The following SOX5 variants were observed in gnomAD, a reference collection of about 807,000 sequenced individuals.
The protein encoded by SOX5 is transcription factor SOX-5.
SOX5 carries 9 observed loss-of-function variants against 92.0 expected under a neutral mutation model. The ratio of observed to expected loss-of-function variants is 0.10; its 90% CI spans 0.06 to 0.17. The LOEUF is 0.17. SOX5 is among the 10% of genes least tolerant of loss of function. The pLI, the probability that SOX5 is intolerant of heterozygous loss-of-function variation, is 1.00. For synonymous variants in SOX5, 344 were observed against 336.3 expected, an observed-to-expected ratio of 1.02 and a Z score of -0.25; for missense variants, 642 against 944.5, an observed-to-expected ratio of 0.68 and a Z score of 4.20.
At chr12:23,685,638 CA>C (rs35590567) in intron 6 of SOX5, among the ~76,000 whole-genome samples, 17 of 148,916 alleles carry the variant, frequency 1.1e-4, no homozygotes, top group Middle Eastern at 3.4e-3. Flanking sequence ...TCCCCCCCCC[CA>C]AAAATCTAAT....
chr12:24,549,570 G>A (rs1952953344), intron 1 of SOX5, among the ~76,000 whole-genome samples: 1 of 152,196 alleles, frequency 6.6e-6, no homozygotes, highest in African/African-American at 2.4e-5. Flanking sequence ...TGGCTTTTGT[G>A]CACTGGCATG....
chr12:24,201,692 T>A (rs1163323745), intron 4 of SOX5, among the ~76,000 whole-genome samples: 1 of 152,076 alleles, frequency 6.6e-6, no homozygotes, highest in African/African-American at 2.4e-5. Context: ...TGTCACAGAG[T>A]ATTAGTGAGT....
chr12:24,505,985 C>T (rs933493426), intron 1 of SOX5, among the ~76,000 whole-genome samples: 2 of 152,026 alleles, frequency 1.3e-5, no homozygotes, highest in African/African-American at 4.8e-5. Context: ...ATTTTTTAGT[C>T]TAATGTAACT....
chr12:24,432,555 C>CT (rs1938564751), intron 1 of SOX5, among the ~76,000 whole-genome samples: 1 of 152,110 alleles, frequency 6.6e-6, no homozygotes, highest in Non-Finnish European at 1.5e-5. Flanking sequence ...TGGCTCACAC[C>CT]TGTAATCCCA....
intron 4 of SOX5, among the ~76,000 whole-genome samples, chr12:24,155,169 T>C (rs1010419762): frequency 4.6e-5 from 7 of 152,088 alleles, no homozygotes; most frequent in African/African-American, 7.2e-5. Flanking sequence ...ATGAACACTA[T>C]TGATACATAT....
At chr12:24,419,745 A>T (rs1024724322) in intron 1 of SOX5, among the ~76,000 whole-genome samples, 3 of 152,240 alleles carry the variant, frequency 2.0e-5, no homozygotes, top group Non-Finnish European at 4.4e-5. Flanking sequence ...CATAAAGGTA[A>T]TATCTAGAAT....
chr12:24,426,062 C>G (rs1966709997), intron 1 of SOX5, among the ~76,000 whole-genome samples: 1 of 152,134 alleles, frequency 6.6e-6, no homozygotes. Context: ...AGACAAGGCA[C>G]AGTGGCTCGT....
chr12:23,598,485 G>A (rs978858847), intron 9 of SOX5, among the ~76,000 whole-genome samples: 6 of 134,276 alleles, frequency 4.5e-5, no homozygotes, highest in South Asian at 5.1e-4. Context: ...TGCAAGCTCC[G>A]CCTCCTGGGT....
At position 24,095,138 on chromosome 12, in the gene SOX5, G is replaced by GAGAGAGAGAGAGAC. The variant is rs1945215884; in HGVS notation, c.-2+118204_-2+118205insGTCTCTCTCTCTCT. Reference sequence around the variant, plus strand: ...ACACACACACACACACAGAGAGAGAGAGAGAGAGAGAGAGAGAGACAGAGA... The same window carrying GAGAGAGAGAGAGAC: ...ACACACACACACACACAGAGAGAGAGAGAGAGAGAGAGACAGAGAGAGAGAGAGAGAGACAGAGA... On this transcript the variant is annotated intron_variant, in intron 4 of 4. Coordinates refer to the SOX5 transcript ENST00000446891. Among the ~76,000 whole-genome samples, 15 of 126,638 alleles carry GAGAGAGAGAGAGAC rather than the reference G, an allele frequency of 1.2e-4. No individual in the cohort carries two copies. The South Asian group carries it at 3.5e-3, about 29-fold the overall frequency. The allele number at this position is 126,638 out of a possible 152,430, so 83.1% of individuals were successfully genotyped here. A position where few individuals can be genotyped will look rare whatever the true frequency, so the allele number is the denominator to read the frequency against.
rs534205648 is a variant in SOX5, at chr12:24,151,682, C to T, written c.-2+61661G>A. On this transcript the variant is annotated intron_variant, in intron 4 of 4. Transcript: ENST00000446891. ...GGCAACTCCTTTTTCCTGAACTACT[C>T]AAACAGCAAAATGAACACAATATAC... 2.0e-5 allele frequency among the ~76,000 whole-genome samples: 3 copies of T among 152,078 alleles called. No homozygotes were observed. In the South Asian group the frequency reaches 6.2e-4, roughly 32 times the overall value.
At chr12:24,297,835 T>A (rs531998879) in intron 2 of SOX5, among the ~76,000 whole-genome samples, 1 of 152,312 alleles carries the variant, frequency 6.6e-6, no homozygotes, top group East Asian at 1.9e-4. Flanking sequence ...AGTAACGATG[T>A]TTATCCTGAG....
rs376500119 is a variant in SOX5 at position 23,738,608 on chromosome 12, T to C, written c.741+2259A>G. The C allele has an allele frequency of 1.1e-4, 17 of 152,220 alleles. No individual in the cohort carries two copies. The East Asian group carries it at 3.1e-3, about 28-fold the overall frequency. The allele number at this position is 152,220 out of a possible 1,614,324, so 9.4% of individuals were successfully genotyped here. A position where few individuals can be genotyped will look rare whatever the true frequency, so the allele number is the denominator to read the frequency against. On this transcript the variant is annotated intron_variant, in intron 5 of 14. Transcript: ENST00000451604. ...AGAATCAAAGGATTCTAGAATCCTT[T>C]TATAATATTCAGGGATGGGCTAGAA...
At chr12:23,857,503 C>G (rs2136304756) in intron 2 of SOX5, among the ~76,000 whole-genome samples, 1 of 152,274 alleles carries the variant, frequency 6.6e-6, no homozygotes, top group East Asian at 1.9e-4. Flanking sequence ...ATAGGTTACA[C>G]TCAGAAAGGA....
chr12:24,444,243 G>C (rs191835674), intron 1 of SOX5, among the ~76,000 whole-genome samples: 164 of 151,252 alleles, frequency 1.1e-3, no homozygotes, highest in Non-Finnish European at 1.8e-3. Context: ...CATTTACTAA[G>C]TACTCAACAC....
At chr12:24,555,582 AAC>A (rs1298096026) in intron 1 of SOX5, among the ~76,000 whole-genome samples, 4 of 152,230 alleles carry the variant, frequency 2.6e-5, no homozygotes, top group Non-Finnish European at 5.9e-5. Flanking sequence ...CCATGCCACA[AAC>A]AGTACAATGG....
chr12:24,011,899 C>A (rs1952985947), intron 4 of SOX5, among the ~76,000 whole-genome samples: 1 of 152,010 alleles, frequency 6.6e-6, no homozygotes, highest in Admixed American at 6.6e-5. Context: ...ATATTATTTT[C>A]TCCTATTAAT....
In SOX5 at chr12:23,538,173, C is replaced by T. The variant is rs576032543; in HGVS notation, c.1772-1504G>A. ...AACTCCCTATCTTAAATGCAAATAGCTCACTGTTGAATAGTTCTTCCTTAC... is the reference window on the plus strand; with the variant it reads ...AACTCCCTATCTTAAATGCAAATAGTTCACTGTTGAATAGTTCTTCCTTAC... On this transcript the variant is annotated intron_variant, in intron 13 of 14. Coordinates refer to ENST00000451604, the MANE Select transcript of SOX5 (RefSeq NM_006940.6). 1.7e-4 allele frequency among the ~76,000 whole-genome samples: 26 copies of T among 152,224 alleles called. No individual in the cohort carries two copies. In the South Asian group the frequency reaches 4.6e-3, roughly 27 times the overall value.
chr12:23,927,789 T>C (rs577611346), intron 1 of SOX5, among the ~76,000 whole-genome samples: 26 of 152,076 alleles, frequency 1.7e-4, no homozygotes, highest in Non-Finnish European at 3.4e-4. Context: ...GTAAATGACT[T>C]ACACTTTGAT....
intron 4 of SOX5, among the ~76,000 whole-genome samples, chr12:24,187,480 AC>A (rs1201649877): frequency 6.6e-6 from 1 of 152,234 alleles, no homozygotes; most frequent in Non-Finnish European, 1.5e-5. Flanking sequence ...AGACAGAAAT[AC>A]ATTTGCTTCA....
Sources: gnomAD v4.1 joint callset for allele counts (sites outside exome capture counted in the v4.1 genomes callset) on GRCh38, gnomAD v4.1.1 for gene constraint, MANE v1.5 for transcripts, NCBI Gene and HGNC (gene_info 2026-07-23, HGNC 2026-07-21) for gene names.